Variants in NEURL1B observed in about 807,000 individuals in gnomAD.
The protein encoded by NEURL1B is neuralized E3 ubiquitin protein ligase 1B, also known as E3 ubiquitin-protein ligase NEURL1B.
A neutral mutation model predicts 37.4 loss-of-function variants in NEURL1B; 13 were observed. The observed-to-expected ratio is 0.35, with a 90% confidence interval of 0.23 to 0.55. NEURL1B has a LOEUF of 0.55. Ranked by LOEUF, NEURL1B falls within the 20% of genes least tolerant of loss-of-function variation. NEURL1B has a pLI of 0.89. For synonymous variants in NEURL1B, 432 were observed against 426.6 expected, an observed-to-expected ratio of 1.01 and a Z score of -0.16; for missense variants, 790 against 879.2, an observed-to-expected ratio of 0.90 and a Z score of 1.28.
intron 2 of NEURL1B, among the ~76,000 whole-genome samples, chr5:172,672,549 C>CCG (rs1554098436): frequency 2.7e-4 from 40 of 148,022 alleles, no homozygotes; most frequent in African/African-American, 9.5e-4. Context: ...CTCCCCCCCC[C>CCG]ACTCTATTTC....
intron 1 of NEURL1B, among the ~76,000 whole-genome samples, chr5:172,642,046 G>A (rs1342163237): frequency 6.6e-6 from 1 of 152,162 alleles, no homozygotes; most frequent in Non-Finnish European, 1.5e-5. Flanking sequence ...AGTTAAAATC[G>A]CCCCAGAATT....
At chr5:172,674,477 A>G (rs79202332) in intron 2 of NEURL1B, among the ~76,000 whole-genome samples, 6,375 of 152,162 alleles carry the variant, frequency 0.042, 444 homozygotes, top group African/African-American at 0.15. Context: ...CAAGACGGTC[A>G]GTGGCAGAGC....
intron 2 of NEURL1B, among the ~76,000 whole-genome samples, chr5:172,681,628 A>G (rs979131613): frequency 6.6e-6 from 1 of 152,240 alleles, no homozygotes; most frequent in Non-Finnish European, 1.5e-5. Context: ...CATTGTGGCC[A>G]GGGCAGAATT....
rs375143480 is a variant in NEURL1B at position 172,667,445 on chromosome 5, C to CAAA, written c.32-2331_32-2329dup. 4.8e-4 allele frequency among the ~76,000 whole-genome samples: 68 copies of CAAA among 141,814 alleles called. 1 individual carries two copies. The highest frequency in any genetic ancestry group is 1.2e-3 in the African/African-American group (46 of 38,772). 93.0% of individuals were successfully genotyped at this position (141,814 alleles called of 152,430 possible). A position where few individuals can be genotyped will look rare whatever the true frequency, so the allele number is the denominator to read the frequency against. The stretch of plus-strand genomic sequence containing the variant: ...TGGGCAACAGAGAAAGACTCCATTT[C>CAAA]AAAAAAAAAAAGAAAAGATCCAAAA... On this transcript the variant is annotated intron_variant, in intron 1 of 4. Transcript: ENST00000369800.
intron 2 of NEURL1B, among the ~76,000 whole-genome samples, chr5:172,682,567 A>G (rs1758376475): frequency 6.6e-6 from 1 of 151,850 alleles, no homozygotes; most frequent in African/African-American, 2.4e-5. Flanking sequence ...CAAGAGCGGA[A>G]CTCTATCTCA....
rs939009758 is a variant in NEURL1B, at chr5:172,661,268, A to G, written c.32-8517A>G. On this transcript the variant is annotated intron_variant, in intron 1 of 4. Transcript: ENST00000369800. This position sits in a 1 kb window ranked among gnomAD's most constrained non-coding sequence, Gnocchi z 4.0. ...CCTGAAGTTGAATATCAGATTGTGCATGGAGTCTGGGTATGTTTCTGGGGG... is the reference window on the plus strand; with the variant it reads ...CCTGAAGTTGAATATCAGATTGTGCGTGGAGTCTGGGTATGTTTCTGGGGG... Among the ~76,000 whole-genome samples the G allele has an allele frequency of 2.0e-5, 3 of 152,176 alleles. No individual in the cohort carries two copies. Among genetic ancestry groups the G allele is most frequent in the Non-Finnish European group, 4.4e-5 (3 of 68,028 alleles).
chr5:172,683,291 TG>T lies in NEURL1B; in HGVS notation c.578-124del. ...ACAAAAGGAGAGTTCGAAGCCGGGG[TG>T]GGGTGGGGGCTGCTCGAGGCCCGGG... On this transcript the variant is annotated intron_variant, in intron 2 of 4. Coordinates refer to ENST00000369800, the MANE Select transcript of NEURL1B (RefSeq NM_001142651.3). This position sits in a 1 kb window ranked among gnomAD's most constrained non-coding sequence, Gnocchi z 5.6. 9.4e-7 allele frequency: 1 copy of T among 1,067,728 alleles called. No homozygotes were observed. The highest frequency in any genetic ancestry group is 1.2e-6 in the Non-Finnish European group (1 of 838,134). 66.1% of individuals were successfully genotyped at this position (1,067,728 alleles called of 1,614,324 possible). A position where few individuals can be genotyped will look rare whatever the true frequency, so the allele number is the denominator to read the frequency against.
chr5:172,672,084 C>G (rs942757917), intron 2 of NEURL1B, among the ~76,000 whole-genome samples: 3 of 152,234 alleles, frequency 2.0e-5, no homozygotes, highest in Admixed American at 6.5e-5. Context: ...GGATGCAGCA[C>G]AGTTCCTGAC....
At chr5:172,645,073 A>C (rs1341789797) in intron 1 of NEURL1B, among the ~76,000 whole-genome samples, 1 of 152,218 alleles carries the variant, frequency 6.6e-6, no homozygotes, top group Non-Finnish European at 1.5e-5. Flanking sequence ...ATAACCGGGC[A>C]TCCTGGAGCT....
chr5:172,662,450 T>C (rs1757920366), intron 1 of NEURL1B, among the ~76,000 whole-genome samples: 1 of 152,156 alleles, frequency 6.6e-6, no homozygotes, highest in African/African-American at 2.4e-5. Flanking sequence ...TGGTTGGACT[T>C]GTTATTTCCC....
At chr5:172,668,058 C>T (rs1441327864) in intron 1 of NEURL1B, among the ~76,000 whole-genome samples, 1 of 152,100 alleles carries the variant, frequency 6.6e-6, no homozygotes. Context: ...ATCAGGGAGG[C>T]CCTTCCTCAA....
At chr5:172,655,664 T>A (rs1757760343) in intron 1 of NEURL1B, among the ~76,000 whole-genome samples, 1 of 151,960 alleles carries the variant, frequency 6.6e-6, no homozygotes, top group East Asian at 1.9e-4. Flanking sequence ...GCTTCCTTGG[T>A]CTATGCACAG....
At chr5:172,648,560 AC>A (rs1757601912) in intron 1 of NEURL1B, among the ~76,000 whole-genome samples, 2 of 152,236 alleles carry the variant, frequency 1.3e-5, no homozygotes, top group Admixed American at 1.3e-4. Flanking sequence ...TTCCCAGGGA[AC>A]ACAGCTCAAG....
At chr5:172,677,473 G>A (rs1758252893) in intron 2 of NEURL1B, among the ~76,000 whole-genome samples, 1 of 152,164 alleles carries the variant, frequency 6.6e-6, no homozygotes, top group African/African-American at 2.4e-5. Flanking sequence ...GGAAACTGAG[G>A]TCACAGCCAG....
At position 172,690,233 on chromosome 5, in the gene NEURL1B, G is replaced by C. The variant is rs1758617582; in HGVS notation, c.*3308G>C. 6.6e-6 allele frequency: 1 copy of C among 152,288 alleles called. No homozygotes were observed. Among genetic ancestry groups the C allele is most frequent in the Non-Finnish European group, 1.5e-5 (1 of 68,062 alleles). The allele number at this position is 152,288 out of a possible 1,614,324, so 9.4% of individuals were successfully genotyped here. On this transcript the variant is annotated 3_prime_UTR_variant, in exon 5 of 5. Coordinates refer to ENST00000369800, the MANE Select transcript of NEURL1B (RefSeq NM_001142651.3). ...CTGGGCTGTTTGCAAAGCAAATCCA[G>C]CTCCTTGTCCTAGCAGGTTCTCAGA...
rs1356214051 is a variant in NEURL1B at position 172,683,627 on chromosome 5, G to A, written c.786G>A (p.Gly262=). The part of the protein sequence containing the change: ...ADAAAAAIPC[G]PRERPRPASS... ...CCGCGGCCGCCGCCATTCCGTGCGG[G>A]CCCCGTGAGCGCCCGCGGCCCGCGT... Residue 262 remains glycine, a synonymous_variant, in exon 3 of 5, where the codon GGG becomes GGA. Transcript: ENST00000369800. This position sits in a 1 kb window ranked among gnomAD's most constrained non-coding sequence, Gnocchi z 5.6. The A allele has an allele frequency of 2.4e-6, 3 of 1,238,002 alleles. No individual in the cohort carries two copies. Among genetic ancestry groups the A allele is most frequent in the Non-Finnish European group, 3.0e-6 (3 of 985,786 alleles). The allele number at this position is 1,238,002 out of a possible 1,614,324, so 76.7% of individuals were successfully genotyped here. A position where few individuals can be genotyped will look rare whatever the true frequency, so the allele number is the denominator to read the frequency against.
intron 1 of NEURL1B, among the ~76,000 whole-genome samples, chr5:172,654,727 G>C (rs989040466): frequency 6.6e-6 from 1 of 152,096 alleles, no homozygotes; most frequent in East Asian, 1.9e-4. Flanking sequence ...CAGGGTACTG[G>C]GTTAGGGATT....
Position 172,661,935 on chromosome 5 carries a change from T to G in NEURL1B, c.32-7850T>G, listed in dbSNP as rs553425605. 6.6e-6 allele frequency among the ~76,000 whole-genome samples: 1 copy of G among 152,360 alleles called. No homozygotes were observed. The highest frequency in any genetic ancestry group is 1.5e-5 in the Non-Finnish European group (1 of 68,032). On this transcript the variant is annotated intron_variant, in intron 1 of 4. Coordinates refer to ENST00000369800, the MANE Select transcript of NEURL1B (RefSeq NM_001142651.3). The surrounding 1 kb of genome is among the most constrained non-coding windows in gnomAD (Gnocchi z 4.0). ...TAGTTTAAAAATAGGCTTCTGTCCT[T>G]GGACACCAAGGGGAAGCAACCCCAG...
intron 1 of NEURL1B, among the ~76,000 whole-genome samples, chr5:172,649,073 T>C (rs2113260519): frequency 6.6e-6 from 1 of 152,246 alleles, no homozygotes; most frequent in East Asian, 1.9e-4. Context: ...ACATGACCAG[T>C]GTGTAGACAT....
Sources: allele counts gnomAD v4.1 joint callset (sites outside exome capture counted in the v4.1 genomes callset), GRCh38; gene constraint gnomAD v4.1.1; non-coding constraint Gnocchi (gnomAD v3.1); transcripts MANE v1.5; gene names NCBI Gene and HGNC (gene_info 2026-07-23, HGNC 2026-07-21).